The following RSRP1 variants were observed in gnomAD, a reference collection of about 807,000 sequenced individuals.
The protein encoded by RSRP1 is arginine/serine-rich protein 1.
RSRP1 carries 37 observed loss-of-function variants against 33.0 expected under a neutral mutation model. The ratio of observed to expected loss-of-function variants is 1.12; its 90% CI spans 0.86 to 1.48. The LOEUF (loss-of-function observed/expected upper bound fraction) is 1.48, where lower values mean the gene tolerates loss of function less well. Ranked by LOEUF, RSRP1 falls within the 40% of genes most tolerant of loss-of-function variation. RSRP1 has a pLI of 0.00. For missense variants in RSRP1, 402 were observed against 385.3 expected (o/e 1.04, Z -0.36); for synonymous variants, 167 against 158.7 (o/e 1.05, Z -0.40).
At chr1:25,295,856 T>G (rs1571646189) in intron 1 of RSRP1, among the ~76,000 whole-genome samples, 2 of 40,936 alleles carry the variant, frequency 4.9e-5, no homozygotes, top group African/African-American at 1.2e-4. Flanking sequence ...GGAAATTTTT[T>G]TTTTTTTTTT....
At position 25,321,679 on chromosome 1, in the gene RSRP1, A is replaced by AAAATAAAATAAAATG. The variant is rs1472014331; in HGVS notation, c.-67+16298_-67+16299insCATTTTATTTTATTT. 6.6e-5 allele frequency among the ~76,000 whole-genome samples: 8 copies of AAAATAAAATAAAATG among 120,784 alleles called. 1 individual carries two copies. Among genetic ancestry groups the AAAATAAAATAAAATG allele is most frequent in the East Asian group, 2.0e-4 (1 of 4,994 alleles). The allele number at this position is 120,784 out of a possible 152,430, so 79.2% of individuals were successfully genotyped here. On this transcript the variant is annotated intron_variant, in intron 1 of 1. Transcript: ENST00000561867. ...AGTGAGACTCTGTCTCAAAATAAAT[A>AAAATAAAATAAAATG]AAATAAAATAAAATAAAATAAAATA... is the stretch of plus-strand genomic sequence containing the variant.
rs1353437873 is a variant in RSRP1 at position 25,300,724 on chromosome 1, G to A, written c.-67+37254C>T. Among the ~76,000 whole-genome samples the A allele has an allele frequency of 9.1e-5, 12 of 131,592 alleles. 4 individuals carry two copies. The highest frequency in any genetic ancestry group is 4.6e-4 in the South Asian group (2 of 4,322). The allele number at this position is 131,592 out of a possible 152,430, so 86.3% of individuals were successfully genotyped here. On this transcript the variant is annotated intron_variant, in intron 1 of 1. Coordinates refer to the RSRP1 transcript ENST00000561867. ...CTAGGGAAGCTGAGGCAGGAGAATC[G>A]CGTGAACCTGGGAGGCAAATGTTCC...
At chr1:25,300,910 G>A in intron 1 of RSRP1, 1 of 1,369,984 alleles carries the variant, frequency 7.3e-7, no homozygotes, top group Non-Finnish European at 1.0e-6. Flanking sequence ...GGCAGAGGAT[G>A]CCGACACTCA....
chr1:25,334,065 G>C lies in RSRP1; in HGVS notation c.-67+3913C>G, dbSNP rs1441055484. Among the ~76,000 whole-genome samples the C allele has an allele frequency of 5.4e-5, 7 of 129,250 alleles. 1 individual carries two copies. Among genetic ancestry groups the C allele is most frequent in the Admixed American group, 3.0e-4 (4 of 13,214 alleles). The allele number at this position is 129,250 out of a possible 152,430, so 84.8% of individuals were successfully genotyped here. On this transcript the variant is annotated intron_variant, in intron 1 of 1. Transcript: ENST00000561867. ...CCAACAGTCCCTCAAAGTCTTAAAT[G>C]ATTTCAGCATTAACTCAAAAGTCCA...
intron 1 of RSRP1, among the ~76,000 whole-genome samples, chr1:25,320,761 G>A (rs1435083041): frequency 1.5e-5 from 2 of 132,264 alleles, no homozygotes; most frequent in African/African-American, 5.2e-5. Context: ...GGGAATGGAG[G>A]TTGGGCACAG....
chr1:25,260,706 GTGAGA>G (rs1256108123), intron 1 of RSRP1, among the ~76,000 whole-genome samples: 2 of 152,128 alleles, frequency 1.3e-5, no homozygotes, highest in African/African-American at 2.4e-5. Context: ...CTGGTTTCTG[GTGAGA>G]CCTCTCTCCC....
rs1249758031 is a variant in RSRP1 at position 25,321,526 on chromosome 1, T to C, written c.-67+16452A>G. Among the ~76,000 whole-genome samples the C allele has an allele frequency of 3.5e-5, 4 of 113,640 alleles. 1 individual carries two copies. Among genetic ancestry groups the C allele is most frequent in the Non-Finnish European group, 8.2e-5 (4 of 48,954 alleles). 74.6% of individuals were successfully genotyped at this position (113,640 alleles called of 152,430 possible). The stretch of plus-strand genomic sequence containing the variant: ...AAAAAAAAAAAAAAAAAAAATTAGC[T>C]GGATGTGGTGGCAGGCGCCTATAAT... On this transcript the variant is annotated intron_variant, in intron 1 of 1. Transcript: ENST00000561867.
intron 1 of RSRP1, among the ~76,000 whole-genome samples, chr1:25,255,289 C>T (rs559992546): frequency 6.6e-6 from 1 of 152,282 alleles, no homozygotes; most frequent in East Asian, 1.9e-4. Context: ...CTGCTCCCCC[C>T]AAATCCTTTC....
chr1:25,262,444 C>A (rs1462273890), intron 1 of RSRP1, among the ~76,000 whole-genome samples: 2 of 152,120 alleles, frequency 1.3e-5, no homozygotes, highest in Non-Finnish European at 2.9e-5. Flanking sequence ...ACTTTGAATT[C>A]AAACAAAAGT....
At chr1:25,250,367 A>G (rs1445001166), upstream of RSRP1, among the ~76,000 whole-genome samples, 2 of 152,210 alleles carry the variant, frequency 1.3e-5, no homozygotes, top group African/African-American at 4.8e-5. Flanking sequence ...GAGGGCTGCA[A>G]GCAAAGAAAC....
intron 1 of RSRP1, among the ~76,000 whole-genome samples, chr1:25,297,375 T>C (rs542242795): frequency 2.0e-5 from 2 of 100,232 alleles, no homozygotes; most frequent in African/African-American, 3.4e-5. Flanking sequence ...TGGGTTAAGA[T>C]GGTACCTGCC....
At chr1:25,276,417 A>T (rs755082772) in intron 1 of RSRP1, among the ~76,000 whole-genome samples, 1 of 91,756 alleles carries the variant, frequency 1.1e-5, no homozygotes, top group African/African-American at 6.8e-5. Context: ...ATAGTTAATT[A>T]AAAAAAAAAA....
In RSRP1 at chr1:25,310,168, G is replaced by A. The variant is rs1571708211; in HGVS notation, c.-67+27810C>T. Reference sequence around the variant, plus strand: ...GCATCAGTCAGTTTTGTCTGTTTTTGTACATTATATATGTGATGGTTTGAA... The same window carrying A: ...GCATCAGTCAGTTTTGTCTGTTTTTATACATTATATATGTGATGGTTTGAA... On this transcript the variant is annotated intron_variant, in intron 1 of 1. Coordinates refer to the RSRP1 transcript ENST00000561867. Among the ~76,000 whole-genome samples, 6 of 132,768 alleles carry A rather than the reference G, an allele frequency of 4.5e-5. 2 individuals are homozygous for A. In the South Asian group the frequency reaches 1.4e-3, roughly 31 times the overall value. The allele number at this position is 132,768 out of a possible 152,430, so 87.1% of individuals were successfully genotyped here. A position where few individuals can be genotyped will look rare whatever the true frequency, so the allele number is the denominator to read the frequency against.
rs567122200 is a variant in RSRP1 at position 25,330,230 on chromosome 1, G to A, written c.-67+7748C>T. ...AACAGGATGTGGAAAATGAATAAGC[G>A]GTTTTCTTAGGCACTTCTTAACAGA... On this transcript the variant is annotated intron_variant, in intron 1 of 1. Coordinates refer to the RSRP1 transcript ENST00000561867. 3.8e-5 allele frequency: 5 copies of A among 132,698 alleles called. 1 individual carries two copies. Among genetic ancestry groups the A allele is most frequent in the African/African-American group, 1.0e-4 (4 of 39,000 alleles). 8.2% of individuals were successfully genotyped at this position (132,698 alleles called of 1,614,324 possible).
rs115164947 is a variant in RSRP1, at chr1:25,274,730, G to A, written c.-66-27701C>T. The stretch of plus-strand genomic sequence containing the variant: ...GCCTAAAAGGGGAAACAAAGGGCCG[G>A]GCGACGTGGCTCACGCCTGTAATCC... On this transcript the variant is annotated intron_variant, in intron 1 of 1. Coordinates refer to the RSRP1 transcript ENST00000561867. Among the ~76,000 whole-genome samples the A allele has an allele frequency of 8.6e-4, 115 of 134,108 alleles. 15 individuals are homozygous for A. The highest frequency in any genetic ancestry group is 2.9e-3 in the African/African-American group (113 of 39,398). 88.0% of individuals were successfully genotyped at this position (134,108 alleles called of 152,430 possible). A position where few individuals can be genotyped will look rare whatever the true frequency, so the allele number is the denominator to read the frequency against.
intron 1 of RSRP1, chr1:25,301,668 C>G (rs188690303): frequency 1.4e-6 from 2 of 1,379,872 alleles, no homozygotes; most frequent in African/African-American, 2.8e-5. Flanking sequence ...TGGCTCACCC[C>G]CAAGGGAAGA....
intron 1 of RSRP1, among the ~76,000 whole-genome samples, chr1:25,300,281 AG>A (rs1189443067): frequency 7.7e-6 from 1 of 130,378 alleles, no homozygotes; most frequent in South Asian, 2.3e-4. Flanking sequence ...GCACTTTGGG[AG>A]GGAAGGATCT....
At position 25,242,526 on chromosome 1, in the gene RSRP1, T is replaced by C; in HGVS notation, c.*63A>G. 9.7e-7 allele frequency: 1 copy of C among 1,035,314 alleles called. No individual in the cohort carries two copies. Among genetic ancestry groups the C allele is most frequent in the Non-Finnish European group, 1.5e-6 (1 of 677,796 alleles). 64.1% of individuals were successfully genotyped at this position (1,035,314 alleles called of 1,614,324 possible). ...ATGGCTCAAAGGGATGGGATAATGCTAGAAACACTAACTTGCAATAAAGTG... is the reference window on the plus strand; with the variant it reads ...ATGGCTCAAAGGGATGGGATAATGCCAGAAACACTAACTTGCAATAAAGTG... On this transcript the variant is annotated 3_prime_UTR_variant, in exon 5 of 5. Coordinates refer to ENST00000243189, the MANE Select transcript of RSRP1 (RefSeq NM_020317.5).
chr1:25,299,666 G>A (rs1319727135), intron 1 of RSRP1, among the ~76,000 whole-genome samples: 1 of 131,608 alleles, frequency 7.6e-6, no homozygotes, highest in African/African-American at 2.6e-5. Flanking sequence ...GCAGGGTCGT[G>A]GCAAGAACCT....
Sources: allele counts gnomAD v4.1 joint callset (sites outside exome capture counted in the v4.1 genomes callset), GRCh38; gene constraint gnomAD v4.1.1; transcripts MANE v1.5; gene names NCBI Gene and HGNC (gene_info 2026-07-23, HGNC 2026-07-21).